The following COMTD1 variants were observed in gnomAD, a reference collection of about 807,000 sequenced individuals.
The protein encoded by COMTD1 is catechol O-methyltransferase domain-containing protein 1.
In COMTD1, 35 loss-of-function variants were observed where a neutral mutation model predicts 33.6. The observed-to-expected ratio is 1.04, with a 90% confidence interval of 0.80 to 1.38. The LOEUF (loss-of-function observed/expected upper bound fraction) is 1.38, where lower values mean the gene tolerates loss of function less well. Ranked by LOEUF, COMTD1 falls within the 40% of genes most tolerant of loss-of-function variation. The pLI is 0.00. For synonymous variants in COMTD1, 160 were observed against 176.8 expected (o/e 0.91, Z 0.75); for missense variants, 370 against 363.4 (o/e 1.02, Z -0.15).
chr10:75,234,476 G>C, intron 6 of COMTD1, 134 bp downstream of exon 6: 1 of 1,347,202 alleles, frequency 7.4e-7, no homozygotes, highest in Non-Finnish European at 1.0e-6. Flanking sequence ...TGGGTACCGG[G>C]GCCGGAGCCC....
rs1842148170 is a variant in COMTD1 at position 75,234,005 on chromosome 10, A to C, written c.*68T>G. Reference sequence around the variant, plus strand: ...CCAGCCCCACTTTATTTTCGAATTTAAAACTCAGGGTCAATTCCTGGGGTT... The same window carrying C: ...CCAGCCCCACTTTATTTTCGAATTTCAAACTCAGGGTCAATTCCTGGGGTT... On this transcript the variant is annotated 3_prime_UTR_variant, in exon 7 of 7. Coordinates refer to ENST00000372538, the MANE Select transcript of COMTD1 (RefSeq NM_144589.4). The C allele has an allele frequency of 6.2e-7, 1 of 1,611,442 alleles. No individual in the cohort carries two copies. Among genetic ancestry groups the C allele is most frequent in the Admixed American group, 1.7e-5 (1 of 59,950 alleles).
intron 1 of COMTD1, 38 bp downstream of exon 1, chr10:75,235,797 G>GGGGGGCC: frequency 2.1e-5 from 33 of 1,538,340 alleles, no homozygotes; most frequent in East Asian, 2.5e-5. Context: ...CCTACTCTGC[G>GGGGGGCC]CCCGCCCACC....
intron 6 of COMTD1, 187 bp downstream of exon 6, chr10:75,234,423 G>A: frequency 9.3e-7 from 1 of 1,079,602 alleles, no homozygotes; most frequent in Non-Finnish European, 1.3e-6. Flanking sequence ...GCCCGGGCAG[G>A]AGGTGACCAG....
Position 75,234,754 on chromosome 10 carries a change from G to A in COMTD1, c.503-11C>T, listed in dbSNP as rs1434738736. 4.8e-5 allele frequency: 76 copies of A among 1,576,496 alleles called. No individual in the cohort carries two copies. Among genetic ancestry groups the A allele is most frequent in the Non-Finnish European group, 6.2e-5 (72 of 1,162,724 alleles). On this transcript the variant is annotated splice_polypyrimidine_tract_variant and intron_variant, in intron 5 of 6. Coordinates refer to ENST00000372538, the MANE Select transcript of COMTD1 (RefSeq NM_144589.4). ...CCGCCAGCAGCTCGTCTTGCGGGGG[G>A]AGGGAGGGCAGGTGCGGCTGAGTCC...
Position 75,235,342 on chromosome 10 carries a change from TA to T in COMTD1, c.252del (p.Met85Ter). The T allele has an allele frequency of 6.3e-7, 1 of 1,591,000 alleles. No homozygotes were observed. Among genetic ancestry groups the T allele is most frequent in the Admixed American group, 1.7e-5 (1 of 57,708 alleles). ...AGCTGGGCCTGCTCGCAGGTCATCATAGAATCCCCCTGCGGCTGCTCCAGGG... is the reference window on the plus strand; with the variant it reads ...AGCTGGGCCTGCTCGCAGGTCATCATGAATCCCCCTGCGGCTGCTCCAGGG... ...LLTLEQPQGDSMMTCEQAQLL... is the reference protein window; with the variant it reads ...LLTLEQPQGDXMMTCEQAQLL... On this transcript the variant is annotated frameshift_variant, in exon 3 of 7. Coordinates refer to ENST00000372538, the MANE Select transcript of COMTD1 (RefSeq NM_144589.4). LOFTEE classifies it high-confidence loss of function.
chr10:75,235,433 C>T, intron 2 of COMTD1, 61 bp from the exon 3 acceptor site: 1 of 1,374,492 alleles, frequency 7.3e-7, no homozygotes. Context: ...CCTGGGGGTC[C>T]CAAGCCCCAG....
chr10:75,234,519 G>T (rs1842159099), intron 6 of COMTD1, 91 bp downstream of exon 6: 1 of 1,472,924 alleles, frequency 6.8e-7, no homozygotes, highest in Admixed American at 2.4e-5. Flanking sequence ...ACTGGACTGG[G>T]TGGGGCTTTG....
At position 75,235,001 on chromosome 10, in the gene COMTD1, G is replaced by C; in HGVS notation, c.448-9C>G. The C allele has an allele frequency of 6.6e-7, 1 of 1,506,826 alleles. No homozygotes were observed. Among genetic ancestry groups the C allele is most frequent in the Non-Finnish European group, 8.8e-7 (1 of 1,131,554 alleles). 93.3% of individuals were successfully genotyped at this position (1,506,826 alleles called of 1,614,324 possible). Reference sequence around the variant, plus strand: ...TTGTGCTCCGCCTCGGCCTGCGGAGGGAGCGGGTCAGCCGTTGCGCCCCCG... The same window carrying C: ...TTGTGCTCCGCCTCGGCCTGCGGAGCGAGCGGGTCAGCCGTTGCGCCCCCG... On this transcript the variant is annotated splice_polypyrimidine_tract_variant and intron_variant, in intron 4 of 6. Transcript: ENST00000372538.
At position 75,234,613 on chromosome 10, in the gene COMTD1, G is replaced by A. The variant is rs753380023; in HGVS notation, c.633C>T (p.Leu211=). The A allele has an allele frequency of 6.4e-7, 1 of 1,561,462 alleles. No individual in the cohort carries two copies. The highest frequency in any genetic ancestry group is 8.7e-7 in the Non-Finnish European group (1 of 1,153,406). The stretch of plus-strand genomic sequence containing the variant: ...TCCCCCGCAGTGGATCCCTTACTCT[G>A]AGGACGGCGAGGATGCCTCCGGGTC... The part of the protein sequence containing the change: ...LLRPGGILAV[L]RVLWRGKVLQ... Residue 211 remains leucine (L), a synonymous_variant, in exon 6 of 7, where the codon CTC becomes CTT. Coordinates refer to ENST00000372538, the MANE Select transcript of COMTD1 (RefSeq NM_144589.4).
chr10:75,234,329 G>A lies in COMTD1; in HGVS notation c.637-104C>T, dbSNP rs1470244580. The A allele has an allele frequency of 1.1e-5, 14 of 1,288,168 alleles. No homozygotes were observed. The Admixed American group carries it at 2.6e-4, about 24-fold the overall frequency. 79.8% of individuals were successfully genotyped at this position (1,288,168 alleles called of 1,614,324 possible). On this transcript the variant is annotated intron_variant, in intron 6 of 6. Transcript: ENST00000372538. ...GGAGGGAGGTGCCCGGGCGGGAGGC[G>A]GGGTCTTGGAGGGAGGTGCCCAGAC...
In COMTD1 at chr10:75,234,184, G is replaced by A. The variant is rs1842150960; in HGVS notation, c.678C>T (p.Asp226=). 7 of 1,613,334 alleles carry A rather than the reference G, an allele frequency of 4.3e-6. No individual in the cohort carries two copies. Among genetic ancestry groups the A allele is most frequent in the African/African-American group, 1.3e-5 (1 of 74,950 alleles). The change falls in exon 7 of 7, where the codon GAC becomes GAT. Residue 226 remains aspartate (D), a synonymous_variant. Transcript: ENST00000372538. ...GGTTTCGCACACACTCGGCCGCCAC[G>A]TCCCCTTTCGGAGGTTGCAGCACCT... ...RGKVLQPPKG[D]VAAECVRNLN...
In COMTD1 at chr10:75,235,838, G is replaced by C; in HGVS notation, c.91C>G (p.Leu31Val). 2 of 1,275,266 alleles carry C rather than the reference G, an allele frequency of 1.6e-6. No homozygotes were observed. The highest frequency in any genetic ancestry group is 2.1e-6 in the Non-Finnish European group (2 of 969,034). The allele number at this position is 1,275,266 out of a possible 1,614,324, so 79.0% of individuals were successfully genotyped here. A position where few individuals can be genotyped will look rare whatever the true frequency, so the allele number is the denominator to read the frequency against. Reference sequence around the variant, plus strand: ...GCCGGGACCAGGTCCTGCTCACCCAGGAAGAGGCCAGTGGCGAAGGCGGCG... The same window carrying C: ...GCCGGGACCAGGTCCTGCTCACCCACGAAGAGGCCAGTGGCGAAGGCGGCG... ...LGAAFATGLF[L>V]GRRCPPWRGR... Residue 31 changes from leucine to valine, a missense_variant, in exon 1 of 7, where the codon CTG (leucine) becomes GTG (valine). Physicochemically the swap from Leu to Val is conservative, Grantham distance 32 (BLOSUM62 1). Coordinates refer to ENST00000372538, the MANE Select transcript of COMTD1 (RefSeq NM_144589.4).
intron 6 of COMTD1, 115 bp from the exon 7 acceptor site, chr10:75,234,340 G>C: frequency 1.6e-6 from 2 of 1,212,576 alleles, no homozygotes; most frequent in Admixed American, 5.0e-5. Flanking sequence ...GGGTCTTGGA[G>C]GGAGGTGCCC....
chr10:75,234,113 A>T lies in COMTD1; in HGVS notation c.749T>A (p.Leu250Gln). 1.2e-6 allele frequency: 2 copies of T among 1,613,956 alleles called. No homozygotes were observed. The highest frequency in any genetic ancestry group is 1.7e-6 in the Non-Finnish European group (2 of 1,180,028). The part of the protein sequence containing the change: ...RRDVRVYISL[L>Q]PLGDGLTLAF... ...CAAGGTGAGTCCATCGCCCAGGGGC[A>T]GGAGGCTGATGTAGACCCTGACGTC... Residue 250 changes from leucine (L) to glutamine (Q), a missense_variant, in exon 7 of 7, where the codon CTG becomes CAG. Physicochemically the swap from Leu to Gln is moderately radical, Grantham distance 113. Transcript: ENST00000372538.
At chr10:75,235,465 C>T (rs552138426) in intron 2 of COMTD1, 93 bp from the exon 3 acceptor site, 4 of 1,347,068 alleles carry the variant, frequency 3.0e-6, no homozygotes, top group Admixed American at 2.7e-5. Flanking sequence ...TGGGCGTGGC[C>T]TGGGGGACTG....
At position 75,234,351 on chromosome 10, in the gene COMTD1, A is replaced by G. The variant is rs1842155204; in HGVS notation, c.637-126T>C. On this transcript the variant is annotated intron_variant, in intron 6 of 6. Coordinates refer to ENST00000372538, the MANE Select transcript of COMTD1 (RefSeq NM_144589.4). Reference sequence around the variant, plus strand: ...GGCGGGGTCTTGGAGGGAGGTGCCCAGACGGAAGGCGGGGTCTCGGAGGGA... The same window carrying G: ...GGCGGGGTCTTGGAGGGAGGTGCCCGGACGGAAGGCGGGGTCTCGGAGGGA... 4.8e-6 allele frequency: 5 copies of G among 1,038,172 alleles called. No homozygotes were observed. In the Admixed American group the frequency reaches 1.2e-4, roughly 25 times the overall value. The allele number at this position is 1,038,172 out of a possible 1,614,324, so 64.3% of individuals were successfully genotyped here. A position where few individuals can be genotyped will look rare whatever the true frequency, so the allele number is the denominator to read the frequency against.
chr10:75,235,123 C>T lies in COMTD1; in HGVS notation c.384G>A (p.Gly128=), dbSNP rs1249639597. The T allele has an allele frequency of 2.1e-6, 3 of 1,403,146 alleles. No individual in the cohort carries two copies. The highest frequency in any genetic ancestry group is 3.4e-5 in the Admixed American group (1 of 29,260). 86.9% of individuals were successfully genotyped at this position (1,403,146 alleles called of 1,614,324 possible). A position where few individuals can be genotyped will look rare whatever the true frequency, so the allele number is the denominator to read the frequency against. The change falls in exon 4 of 7, where the codon GGG becomes GGA. Residue 128 remains glycine (G), a synonymous_variant. Coordinates refer to ENST00000372538, the MANE Select transcript of COMTD1 (RefSeq NM_144589.4). ...CGTCCACCTCGCAGGTCACCACGCG[C>T]CCGTCCGCGGGCAGCGCCAGGGCCA... ...LALALALPAD[G]RVVTCEVDAQ...
chr10:75,234,967 A>T lies in COMTD1; in HGVS notation c.473T>A (p.Leu158His), dbSNP rs1842168086. ...RQAEAEHKIDLRLKPALETLD... is the reference protein window; with the variant it reads ...RQAEAEHKIDHRLKPALETLD... ...GGTCTCCAAGGCGGGCTTCAGCCGG[A>T]GGTCGATCTTGTGCTCCGCCTCGGC... Residue 158 changes from leucine (L) to histidine (H), a missense_variant, in exon 5 of 7, where the codon CTC becomes CAC. Leu to His is a moderately conservative substitution (Grantham distance 99). Transcript: ENST00000372538. 6.6e-7 allele frequency: 1 copy of T among 1,526,368 alleles called. No individual in the cohort carries two copies. Among genetic ancestry groups the T allele is most frequent in the Admixed American group, 2.2e-5 (1 of 46,174 alleles). The allele number at this position is 1,526,368 out of a possible 1,614,324, so 94.6% of individuals were successfully genotyped here.
chr10:75,234,447 A>AC (rs1257452264), intron 6 of COMTD1, 163 bp downstream of exon 6: 1 of 1,214,940 alleles, frequency 8.2e-7, no homozygotes, highest in East Asian at 2.6e-5. Context: ...TGGAGACAGA[A>AC]CCAAAGCGGA....
Sources: gnomAD v4.1 joint callset for allele counts on GRCh38, gnomAD v4.1.1 for gene constraint, MANE v1.5 for transcripts, NCBI Gene and HGNC (gene_info 2026-07-23, HGNC 2026-07-21) for gene names.